The following ZNF385B variants were observed in gnomAD, a reference collection of about 807,000 sequenced individuals.
ZNF385B encodes the protein zinc finger protein 385B, also known as zinc finger protein 533.
In ZNF385B, 23 loss-of-function variants were observed where a neutral mutation model predicts 39.2. The ratio of observed to expected loss-of-function variants is 0.59; its 90% CI spans 0.42 to 0.83. The LOEUF (loss-of-function observed/expected upper bound fraction) is 0.83. Among genes scored for constraint, ZNF385B ranks in the 40% least tolerant of loss-of-function variants. The pLI is 0.00. For synonymous variants in ZNF385B, 205 were observed against 222.6 expected, an observed-to-expected ratio of 0.92 and a Z score of 0.70; for missense variants, 552 against 598.9, an observed-to-expected ratio of 0.92 and a Z score of 0.82.
At chr2:179,826,112 C>T (rs1430610042) in intron 1 of ZNF385B, among the ~76,000 whole-genome samples, 2 of 152,098 alleles carry the variant, frequency 1.3e-5, no homozygotes. Context: ...AAATAAGTTA[C>T]CAAATTATGA....
At chr2:179,728,028 C>A (rs114412008) in intron 3 of ZNF385B, among the ~76,000 whole-genome samples, 3,079 of 152,190 alleles carry the variant, frequency 0.02, 98 homozygotes, top group African/African-American at 0.068. Context: ...AATGCCCCGA[C>A]TCTTGAAACA....
At chr2:179,842,040 C>T (rs1708563240) in intron 1 of ZNF385B, among the ~76,000 whole-genome samples, 1 of 152,196 alleles carries the variant, frequency 6.6e-6, no homozygotes, top group Non-Finnish European at 1.5e-5. Context: ...ACTTTCTGGA[C>T]CTCAGTTTCC....
intron 3 of ZNF385B, among the ~76,000 whole-genome samples, chr2:179,644,815 C>T (rs1692574635): frequency 6.6e-6 from 1 of 152,134 alleles, no homozygotes; most frequent in South Asian, 2.1e-4. Flanking sequence ...AAAAAGCATC[C>T]CTTTGAGCAT....
intron 5 of ZNF385B, among the ~76,000 whole-genome samples, chr2:179,514,995 C>G (rs1246295377): frequency 6.6e-6 from 1 of 152,146 alleles, no homozygotes; most frequent in Non-Finnish European, 1.5e-5. Flanking sequence ...TCAGGCTGGT[C>G]TCGAACTCCT....
intron 3 of ZNF385B, among the ~76,000 whole-genome samples, chr2:179,695,900 A>G (rs1320066806): frequency 1.3e-5 from 2 of 152,234 alleles, no homozygotes; most frequent in African/African-American, 2.4e-5. Context: ...AAAATGTGGT[A>G]TATGTATACA....
intron 6 of ZNF385B, among the ~76,000 whole-genome samples, chr2:179,467,175 A>G (rs1030762726): frequency 6.6e-6 from 1 of 152,092 alleles, no homozygotes; most frequent in African/African-American, 2.4e-5. Flanking sequence ...AGTGATTCTG[A>G]AGTACATTGG....
intron 3 of ZNF385B, among the ~76,000 whole-genome samples, chr2:179,739,502 C>T (rs1244105946): frequency 1.3e-5 from 2 of 152,106 alleles, no homozygotes; most frequent in Admixed American, 1.3e-4. Context: ...GTATCTAATC[C>T]CAGTTTGAGT....
chr2:179,810,258 T>C (rs1000953001), intron 1 of ZNF385B, among the ~76,000 whole-genome samples: 7 of 151,790 alleles, frequency 4.6e-5, no homozygotes, highest in African/African-American at 1.2e-4. Context: ...AAAATGACTT[T>C]AAAAAGAAGA....
intron 5 of ZNF385B, among the ~76,000 whole-genome samples, chr2:179,484,933 G>A (rs987904882): frequency 6.6e-6 from 1 of 152,104 alleles, no homozygotes. Flanking sequence ...GGAACAGTGA[G>A]GGCTATAGCT....
rs992400055 is a variant in ZNF385B at position 179,442,016 on chromosome 2, T to A, written c.*1234A>T. On this transcript the variant is annotated 3_prime_UTR_variant, in exon 10 of 10. Coordinates refer to ENST00000410066, the MANE Select transcript of ZNF385B (RefSeq NM_152520.6). ...TTGTACTTTTATTGAAAAGGTACAT[T>A]TAAAAAAATACACAGACATTTTACC... 3 of 152,576 alleles carry A rather than the reference T, an allele frequency of 2.0e-5. No individual in the cohort carries two copies. Among genetic ancestry groups the A allele is most frequent in the Non-Finnish European group, 1.5e-5 (1 of 68,024 alleles). The allele number at this position is 152,576 out of a possible 1,614,324, so 9.5% of individuals were successfully genotyped here.
chr2:179,745,669 C>T (rs1394669273), intron 3 of ZNF385B: 3 of 1,492,486 alleles, frequency 2.0e-6, no homozygotes, highest in African/African-American at 2.8e-5. Flanking sequence ...CTGTTACTGA[C>T]ATCCCAGACC....
At position 179,443,039 on chromosome 2, in the gene ZNF385B, A is replaced by G. The variant is rs1056685372; in HGVS notation, c.*211T>C. Reference sequence around the variant, plus strand: ...GGGAGGAAGTAGGGAGATAAAGCCTATGCTGCTGATTCCTCAATTATAGGA... The same window carrying G: ...GGGAGGAAGTAGGGAGATAAAGCCTGTGCTGCTGATTCCTCAATTATAGGA... On this transcript the variant is annotated 3_prime_UTR_variant, in exon 10 of 10. Transcript: ENST00000410066. The G allele has an allele frequency of 1.2e-5, 8 of 642,072 alleles. No homozygotes were observed. The highest frequency in any genetic ancestry group is 2.4e-5 in the Admixed American group (1 of 41,018). 39.8% of individuals were successfully genotyped at this position (642,072 alleles called of 1,614,324 possible).
At position 179,443,380 on chromosome 2, in the gene ZNF385B, G is replaced by C. The variant is rs773379182; in HGVS notation, c.1331C>G (p.Ser444Ter). 2 of 1,612,108 alleles carry C rather than the reference G, an allele frequency of 1.2e-6. No individual in the cohort carries two copies. Residue 444 changes from serine (S) to a stop codon, truncating the protein, a stop_gained, in exon 10 of 10, where the codon TCA becomes TGA. Transcript: ENST00000410066. LOFTEE classifies it low-confidence loss of function (END_TRUNC). ...SPLAAAAAVS[S>*]ALSLPPRPSA... The stretch of plus-strand genomic sequence containing the variant: ...GGGCCGGGGTGGGAGTGACAGCGCT[G>C]AGGACACGGCTGCCGCCGCTGCGAG...
chr2:179,791,241 G>C (rs941576255), intron 1 of ZNF385B, among the ~76,000 whole-genome samples: 1 of 152,162 alleles, frequency 6.6e-6, no homozygotes, highest in East Asian at 1.9e-4. Context: ...AATCGGAAAT[G>C]AGCCCCAAAC....
chr2:179,760,234 G>GTA (rs1703299332), intron 3 of ZNF385B, among the ~76,000 whole-genome samples: 3 of 151,660 alleles, frequency 2.0e-5, no homozygotes, highest in Admixed American at 1.3e-4. Context: ...GTGTGTGTGT[G>GTA]TGTGTGTGTG....
intron 1 of ZNF385B, among the ~76,000 whole-genome samples, chr2:179,829,802 C>T (rs971001734): frequency 2.0e-5 from 3 of 152,178 alleles, no homozygotes; most frequent in Non-Finnish European, 4.4e-5. Context: ...CGTGACCCAC[C>T]GCGCCCGGCC....
Position 179,697,403 on chromosome 2 carries a change from T to G in ZNF385B, c.298+72100A>C, listed in dbSNP as rs116383419. Among the ~76,000 whole-genome samples the G allele has an allele frequency of 3.9e-5, 6 of 152,220 alleles. No homozygotes were observed. The East Asian group carries it at 7.7e-4, about 20-fold the overall frequency. On this transcript the variant is annotated intron_variant, in intron 3 of 9. Coordinates refer to ENST00000410066, the MANE Select transcript of ZNF385B (RefSeq NM_152520.6). ...AATGGTAGTTTTTCCTGTGCTGTCA[T>G]GCACTTCTCCTTCCTGCTGCCTTGG... is the stretch of plus-strand genomic sequence containing the variant.
intron 3 of ZNF385B, among the ~76,000 whole-genome samples, chr2:179,651,968 G>A (rs1278000314): frequency 6.6e-5 from 10 of 152,146 alleles, no homozygotes; most frequent in Admixed American, 6.6e-4. Flanking sequence ...GTCATTTAGA[G>A]AAGACAGAAA....
chr2:179,687,117 G>A (rs1697983725), intron 3 of ZNF385B, among the ~76,000 whole-genome samples: 1 of 151,004 alleles, frequency 6.6e-6, no homozygotes. Context: ...ATATTATTTG[G>A]TGTGACTAAG....
Sources: allele counts gnomAD v4.1 joint callset (sites outside exome capture counted in the v4.1 genomes callset), GRCh38; gene constraint gnomAD v4.1.1; transcripts MANE v1.5; gene names NCBI Gene and HGNC (gene_info 2026-07-23, HGNC 2026-07-21).